The following KIF21B variants were observed in gnomAD, a reference collection of about 807,000 sequenced individuals.
The protein encoded by KIF21B is kinesin-like protein KIF21B.
A neutral mutation model predicts 192.9 loss-of-function variants in KIF21B; 85 were observed. The ratio of observed to expected loss-of-function variants is 0.44; its 90% confidence interval spans 0.37 to 0.53. The LOEUF (loss-of-function observed/expected upper bound fraction) is 0.53. Ranked by LOEUF, KIF21B falls within the 20% of genes least tolerant of loss-of-function variation. The pLI, the probability that KIF21B is intolerant of heterozygous loss-of-function variation, is 0.00. For missense variants in KIF21B, 1,716 were observed against 2,194.8 expected, an observed-to-expected ratio of 0.78 and a Z score of 4.36; for synonymous variants, 832 against 884.6, an observed-to-expected ratio of 0.94 and a Z score of 1.05.
chr1:200,969,922 C>G lies in KIF21B; in HGVS notation c.*3599G>C, dbSNP rs1465011834. 3.3e-5 allele frequency: 5 copies of G among 152,542 alleles called. No individual in the cohort carries two copies. Among genetic ancestry groups the G allele is most frequent in the African/African-American group, 9.6e-5 (4 of 41,470 alleles). The allele number at this position is 152,542 out of a possible 1,614,324, so 9.4% of individuals were successfully genotyped here. ...GGCCTGTGGGGCATTGGCCACTGAC[C>G]AGGAGGCTATGCCAAGCAAGGAGAG... On this transcript the variant is annotated 3_prime_UTR_variant, in exon 35 of 35. Transcript: ENST00000461742.
chr1:201,010,006 G>C (rs1019069386), intron 1 of KIF21B, among the ~76,000 whole-genome samples: 1 of 152,210 alleles, frequency 6.6e-6, no homozygotes, highest in African/African-American at 2.4e-5. Context: ...CAGGGCCAGG[G>C]CGGGGAAGAG....
chr1:201,015,015 G>T (rs1658424623), intron 1 of KIF21B, among the ~76,000 whole-genome samples: 1 of 152,182 alleles, frequency 6.6e-6, no homozygotes, highest in South Asian at 2.1e-4. Context: ...AGCCAAGACT[G>T]CCTCTCATAG....
In KIF21B at chr1:200,977,228, T is replaced by A; in HGVS notation, c.4309A>T (p.Ile1437Phe). ...LYAASGNAVRIWELSRFQPVG... is the reference protein window; with the variant it reads ...LYAASGNAVRFWELSRFQPVG... ...CACGCTGACCTGCTAAGCTCCCAGA[T>A]GCGGACGGCATTGCCCGAGGCGGCG... is the stretch of plus-strand genomic sequence containing the variant. Residue 1437 changes from isoleucine (I) to phenylalanine (F), a missense_variant, in exon 31 of 35, where the codon ATC becomes TTC. Ile to Phe is a conservative substitution (Grantham distance 21). Transcript: ENST00000461742. 1.2e-6 allele frequency: 2 copies of A among 1,612,682 alleles called. No individual in the cohort carries two copies. The highest frequency in any genetic ancestry group is 2.2e-5 in the South Asian group (2 of 91,054).
At position 200,973,774 on chromosome 1, in the gene KIF21B, G is replaced by T. The variant is rs1655355330; in HGVS notation, c.4815-196C>A. ...GCAGATGGAGAGGCCTGTGCACTCA[G>T]AGGCCCCCAGGGGAGCTTTGTCATG... is the stretch of plus-strand genomic sequence containing the variant. On this transcript the variant is annotated intron_variant, in intron 34 of 34. Transcript: ENST00000461742. 7 of 1,448,262 alleles carry T rather than the reference G, an allele frequency of 4.8e-6. 1 individual carries two copies. Among genetic ancestry groups the T allele is most frequent in the Non-Finnish European group, 6.3e-6 (7 of 1,110,020 alleles). The allele number at this position is 1,448,262 out of a possible 1,614,324, so 89.7% of individuals were successfully genotyped here.
rs552196423 is a variant in KIF21B at position 200,996,438 on chromosome 1, G to C, written c.2078-43C>G. 22 of 1,566,626 alleles carry C rather than the reference G, an allele frequency of 1.4e-5. 1 individual carries two copies. In the South Asian group the frequency reaches 2.4e-4, roughly 17 times the overall value. On this transcript the variant is annotated intron_variant, in intron 14 of 34. Coordinates refer to ENST00000461742, the MANE Select transcript of KIF21B (RefSeq NM_001252102.2). The stretch of plus-strand genomic sequence containing the variant: ...CAGCTGTCGGTGCTGGGTCCCTAAG[G>C]GCTCCCACTAAATACAGGGTCATCA...
At chr1:201,004,499 G>C (rs995731009) in intron 6 of KIF21B, 44 bp from the exon 7 acceptor site, 1 of 1,483,630 alleles carries the variant, frequency 6.7e-7, no homozygotes, top group African/African-American at 1.4e-5. Flanking sequence ...CTCAGGGAGC[G>C]AAGGGTAGGG....
intron 1 of KIF21B, among the ~76,000 whole-genome samples, chr1:201,020,316 C>A (rs11586763): frequency 6.6e-6 from 1 of 152,042 alleles, no homozygotes; most frequent in African/African-American, 2.4e-5. Context: ...CTTTCTCGCC[C>A]CATTTGTCAG....
chr1:201,011,491 T>C (rs1184705384), intron 1 of KIF21B, among the ~76,000 whole-genome samples: 1 of 152,218 alleles, frequency 6.6e-6, no homozygotes, highest in African/African-American at 2.4e-5. Context: ...TCAATGGTCT[T>C]ATGCTACACC....
Position 200,999,276 on chromosome 1 carries a change from G to A in KIF21B, c.1885+73C>T. 1 of 1,582,654 alleles carries A rather than the reference G, an allele frequency of 6.3e-7. No individual in the cohort carries two copies. The highest frequency in any genetic ancestry group is 8.7e-7 in the Non-Finnish European group (1 of 1,153,124). On this transcript the variant is annotated intron_variant, in intron 13 of 34. Transcript: ENST00000461742. The surrounding 1 kb of genome is among the most constrained non-coding windows in gnomAD (Gnocchi z 4.7). The stretch of plus-strand genomic sequence containing the variant: ...CCTGGACACCATTATCTTTGAGCAG[G>A]GCCCGACCCCACACTTGGGCACTGG...
Position 200,998,433 on chromosome 1 carries a change from G to A in KIF21B, c.2028C>T (p.Asn676=). The A allele has an allele frequency of 6.2e-7, 1 of 1,614,094 alleles. No homozygotes were observed. The highest frequency in any genetic ancestry group is 8.5e-7 in the Non-Finnish European group (1 of 1,180,028). Residue 676 remains asparagine, a synonymous_variant, in exon 14 of 35, where the codon AAC becomes AAT. Coordinates refer to ENST00000461742, the MANE Select transcript of KIF21B (RefSeq NM_001252102.2). This position sits in a 1 kb window ranked among gnomAD's most constrained non-coding sequence, Gnocchi z 4.3. ...QYEEKLILLQ[N]KIRDTQLERD... ...GCTCCAGCTGTGTGTCTCGGATCTT[G>A]TTCTGCAGCAGAATCAGCTTTTCCT...
At position 200,990,805 on chromosome 1, in the gene KIF21B, G is replaced by A. The variant is rs1220699977; in HGVS notation, c.2688-82C>T. 3.1e-6 allele frequency: 5 copies of A among 1,593,892 alleles called. No individual in the cohort carries two copies. The highest frequency in any genetic ancestry group is 4.3e-6 in the Non-Finnish European group (5 of 1,165,574). ...ACTGAGCCCCCATCTGGAGCTGACA[G>A]CCACGGGGACCCGGAGCACTCCCCA... is the stretch of plus-strand genomic sequence containing the variant. On this transcript the variant is annotated intron_variant, in intron 18 of 34. Transcript: ENST00000461742. This position sits in a 1 kb window ranked among gnomAD's most constrained non-coding sequence, Gnocchi z 5.4.
intron 26 of KIF21B, 30 bp from the exon 27 acceptor site, chr1:200,985,002 T>C (rs553578733): frequency 1.3e-6 from 2 of 1,527,736 alleles, no homozygotes; most frequent in Non-Finnish European, 1.8e-6. Context: ...GGCAGCCTGT[T>C]AGTGACCACC....
rs1571903075 is a variant in KIF21B at position 200,973,345 on chromosome 1, A to C, written c.*176T>G. 4 of 663,974 alleles carry C rather than the reference A, an allele frequency of 6.0e-6. No individual in the cohort carries two copies. Among genetic ancestry groups the C allele is most frequent in the Admixed American group, 4.2e-5 (1 of 23,652 alleles). The allele number at this position is 663,974 out of a possible 1,614,324, so 41.1% of individuals were successfully genotyped here. ...CCCAGAGGCTCCTGAGAGGCAGGGG[A>C]GGGATGAGGGAACAGTGTCCTGTGG... On this transcript the variant is annotated 3_prime_UTR_variant, in exon 35 of 35. Coordinates refer to ENST00000461742, the MANE Select transcript of KIF21B (RefSeq NM_001252102.2).
chr1:200,976,845 G>T lies in KIF21B; in HGVS notation c.4374C>A (p.Cys1458Ter), dbSNP rs1655582224. ...GGCTGGCCGTCTGGGTGACCGTCAG[G>T]CACATCACAGGGCCGATGTGGCCAG... is the stretch of plus-strand genomic sequence containing the variant. The part of the protein sequence containing the change: ...KLTGHIGPVM[C>*]LTVTQTASQH... The change falls in exon 32 of 35, where the codon TGC becomes TGA. Residue 1458 changes from cysteine (C) to a stop codon, truncating the protein, a stop_gained. Transcript: ENST00000461742. LOFTEE classifies it high-confidence loss of function. 6.2e-7 allele frequency: 1 copy of T among 1,613,650 alleles called. No homozygotes were observed. The highest frequency in any genetic ancestry group is 1.3e-5 in the African/African-American group (1 of 74,930).
Position 201,000,572 on chromosome 1 carries a change from G to T in KIF21B, c.1503C>A (p.Ser501=). The change falls in exon 11 of 35, where the codon TCC becomes TCA. Residue 501 remains serine (S), a synonymous_variant. Transcript: ENST00000461742. The surrounding 1 kb of genome is among the most constrained non-coding windows in gnomAD (Gnocchi z 6.0). ...KLLESEAMNE[S]LRRSLSRASA... is the part of the protein sequence containing the mutation. ...AGGCCCGTGAGAGGCTGCGGCGCAG[G>T]GACTCGTTCATGGCTTCACTCTCTA... The T allele has an allele frequency of 6.2e-7, 1 of 1,613,354 alleles. No homozygotes were observed. The highest frequency in any genetic ancestry group is 8.5e-7 in the Non-Finnish European group (1 of 1,179,868).
chr1:200,996,098 CACACTTG>C, intron 15 of KIF21B, 91 bp downstream of exon 15: 1 of 1,230,248 alleles, frequency 8.1e-7, no homozygotes, highest in Non-Finnish European at 1.2e-6. Context: ...GAAGAGAATC[CACACTTG>C]ACAGCAATGA....
rs144609175 is a variant in KIF21B at position 200,987,079 on chromosome 1, G to A, written c.3531C>T (p.Asp1177=). Residue 1177 remains aspartate (D), a synonymous_variant, in exon 25 of 35, where the codon GAC becomes GAT. Coordinates refer to ENST00000461742, the MANE Select transcript of KIF21B (RefSeq NM_001252102.2). Reference sequence around the variant, plus strand: ...GGTCTCGGACAGAGAAGCCCACTCCGTCCTCTTTGATCTCAACGAGGGAGG... The same window carrying A: ...GGTCTCGGACAGAGAAGCCCACTCCATCCTCTTTGATCTCAACGAGGGAGG... ...SLASLVEIKE[D]GVGFSVRDPY... is the part of the protein sequence containing the mutation. The A allele has an allele frequency of 1.0e-3, 1,674 of 1,613,970 alleles. No homozygotes were observed. The highest frequency in any genetic ancestry group is 1.3e-3 in the Non-Finnish European group (1,559 of 1,179,990).
At chr1:201,021,637 G>C (rs1658831912) in intron 1 of KIF21B, among the ~76,000 whole-genome samples, 1 of 152,170 alleles carries the variant, frequency 6.6e-6, no homozygotes, top group Non-Finnish European at 1.5e-5. Context: ...AGGCTCCCCG[G>C]GTGGGAGTCC....
At chr1:200,974,958 G>T (rs774314800) in intron 33 of KIF21B, 45 bp from the exon 34 acceptor site, 1 of 1,584,162 alleles carries the variant, frequency 6.3e-7, no homozygotes, top group South Asian at 1.1e-5. Flanking sequence ...AGGTGATGAG[G>T]GAGAGAACCT....
Sources: allele counts gnomAD v4.1 joint callset (sites outside exome capture counted in the v4.1 genomes callset), GRCh38; gene constraint gnomAD v4.1.1; non-coding constraint Gnocchi (gnomAD v3.1); transcripts MANE v1.5; gene names NCBI Gene and HGNC (gene_info 2026-07-23, HGNC 2026-07-21).